CCL26: variants seen among roughly 807,000 people sequenced by gnomAD.
The protein encoded by CCL26 is C-C motif chemokine 26.
A neutral mutation model predicts 10.7 loss-of-function variants in CCL26; 10 were observed. The ratio of observed to expected loss-of-function variants is 0.93; its 90% CI spans 0.57 to 1.58. The LOEUF (loss-of-function observed/expected upper bound fraction) is 1.58. Ranked by LOEUF, CCL26 falls within the 40% of genes most tolerant of loss-of-function variation. The pLI is 0.00. For synonymous variants in CCL26, 43 were observed against 41.4 expected (o/e 1.04, Z -0.15); for missense variants, 116 against 111.0 (o/e 1.05, Z -0.20).
chr7:75,789,623 AC>A (rs1478228366), intron 1 of CCL26: 1 of 121,504 alleles, frequency 8.2e-6, no homozygotes, highest in Non-Finnish European at 1.7e-5. Context: ...AAACCCCCAC[AC>A]TTTGCCCCCC....
At chr7:75,771,374 T>C (rs1802816781) in intron 2 of CCL26, among the ~76,000 whole-genome samples, 1 of 152,202 alleles carries the variant, frequency 6.6e-6, no homozygotes, top group Non-Finnish European at 1.5e-5. Context: ...ATTTTCAAGG[T>C]TATTCATCAT....
chr7:75,773,086 CCT>C (rs1241008868), upstream of CCL26, among the ~76,000 whole-genome samples: 1 of 152,124 alleles, frequency 6.6e-6, no homozygotes, highest in Non-Finnish European at 1.5e-5. Flanking sequence ...TGGGGCCACA[CCT>C]GTAGGGCCAG....
At chr7:75,772,654 C>CAAA (rs5884975), upstream of CCL26, among the ~76,000 whole-genome samples, 10 of 121,018 alleles carry the variant, frequency 8.3e-5, no homozygotes, top group African/African-American at 3.3e-4. Context: ...GAGACTCTGC[C>CAAA]AAAAAAAAAA....
intron 2 of CCL26, among the ~76,000 whole-genome samples, chr7:75,770,150 A>G (rs1239446449): frequency 1.3e-5 from 2 of 151,170 alleles, no homozygotes; most frequent in Non-Finnish European, 2.9e-5. Flanking sequence ...GCTCATTGCA[A>G]CCTCCATTTC....
chr7:75,786,235 C>T (rs1189714669), intron 1 of CCL26, among the ~76,000 whole-genome samples: 7 of 152,122 alleles, frequency 4.6e-5, no homozygotes, highest in African/African-American at 1.4e-4. Flanking sequence ...ACCCCATTTC[C>T]GCATATTTCC....
upstream of CCL26, among the ~76,000 whole-genome samples, chr7:75,777,201 C>T (rs1450713239): frequency 6.6e-6 from 1 of 152,122 alleles, no homozygotes; most frequent in Non-Finnish European, 1.5e-5. Flanking sequence ...CACTGCACTC[C>T]AGCCTGCGCA....
At chr7:75,774,296 T>C (rs1802888839), upstream of CCL26, among the ~76,000 whole-genome samples, 1 of 152,160 alleles carries the variant, frequency 6.6e-6, no homozygotes. Flanking sequence ...ATTACAGGCA[T>C]GCGCCATCAC....
intron 1 of CCL26, among the ~76,000 whole-genome samples, chr7:75,786,319 CA>C: frequency 6.6e-6 from 1 of 152,176 alleles, no homozygotes; most frequent in African/African-American, 2.4e-5. Context: ...CGCCACTCAC[CA>C]AAAAAGGCAG....
At chr7:75,781,791 T>A (rs755598006) in intron 1 of CCL26, among the ~76,000 whole-genome samples, 1 of 151,856 alleles carries the variant, frequency 6.6e-6, no homozygotes, top group Non-Finnish European at 1.5e-5. Context: ...CCTTTACCTA[T>A]CCAAATCCTA....
chr7:75,786,756 A>G (rs10441421), intron 1 of CCL26, among the ~76,000 whole-genome samples: 28,754 of 152,126 alleles, frequency 0.19, 3,128 homozygotes, highest in Admixed American at 0.34. Context: ...ACTTCCACCT[A>G]TCAATCTTTT....
At chr7:75,785,349 C>G (rs1415459710) in intron 1 of CCL26, among the ~76,000 whole-genome samples, 1 of 152,110 alleles carries the variant, frequency 6.6e-6, no homozygotes, top group Admixed American at 6.6e-5. Context: ...TATTTTCTTT[C>G]TACCCCTCTG....
intron 1 of CCL26, among the ~76,000 whole-genome samples, chr7:75,786,146 C>G (rs1803179718): frequency 6.6e-6 from 1 of 152,196 alleles, no homozygotes; most frequent in South Asian, 2.1e-4. Context: ...CTGGCCCAGA[C>G]TTCAATCCGG....
upstream of CCL26, among the ~76,000 whole-genome samples, chr7:75,790,279 CTTTCTTTTCTT>C (rs1444178313): frequency 1.5e-4 from 21 of 140,690 alleles, no homozygotes; most frequent in Middle Eastern, 3.5e-3. Context: ...CTTTCTCTCT[CTTTCTTTTCTT>C]TTTCTTTTCT....
chr7:75,790,109 CTCTT>C (rs1554530577), upstream of CCL26, among the ~76,000 whole-genome samples: 4 of 145,880 alleles, frequency 2.7e-5, no homozygotes, highest in African/African-American at 5.1e-5. Flanking sequence ...CCCTCCTTTT[CTCTT>C]TCTTTTTCTT....
At chr7:75,790,810 A>T (rs1016033267), upstream of CCL26, among the ~76,000 whole-genome samples, 44 of 151,708 alleles carry the variant, frequency 2.9e-4, no homozygotes, top group African/African-American at 9.7e-4. Context: ...CAGGTGTGAT[A>T]GTGAGTGCCT....
upstream of CCL26, among the ~76,000 whole-genome samples, chr7:75,776,904 G>A (rs913972608): frequency 2.0e-5 from 3 of 152,024 alleles, no homozygotes; most frequent in African/African-American, 7.2e-5. Flanking sequence ...CTCTATAATC[G>A]AGCAATTCCA....
chr7:75,776,649 C>T (rs1421830545), upstream of CCL26, among the ~76,000 whole-genome samples: 3 of 151,864 alleles, frequency 2.0e-5, no homozygotes, highest in African/African-American at 4.8e-5. Context: ...ATGGCTGAGG[C>T]GTGAACACTT....
chr7:75,785,736 C>T (rs1292575848), intron 1 of CCL26, among the ~76,000 whole-genome samples: 4 of 152,200 alleles, frequency 2.6e-5, no homozygotes, highest in Admixed American at 2.6e-4. Flanking sequence ...TAAATCCTTT[C>T]CCCATTCCTC....
intron 1 of CCL26, among the ~76,000 whole-genome samples, chr7:75,788,345 C>T (rs1216311512): frequency 6.6e-6 from 1 of 152,064 alleles, no homozygotes; most frequent in Non-Finnish European, 1.5e-5. Flanking sequence ...AAAAGCTCCC[C>T]CACTGAGCAC....
Sources: allele counts gnomAD v4.1 joint callset (sites outside exome capture counted in the v4.1 genomes callset), GRCh38; gene constraint gnomAD v4.1.1; transcripts MANE v1.5; gene names NCBI Gene and HGNC (gene_info 2026-07-23, HGNC 2026-07-21).